CARF: variants seen among roughly 807,000 people sequenced by gnomAD.
CARF encodes calcium responsive transcription factor.
CARF carries 57 observed loss-of-function variants against 82.0 expected under a neutral mutation model. That is an observed-to-expected ratio of 0.70 (90% CI 0.56 to 0.87). The LOEUF (loss-of-function observed/expected upper bound fraction) is 0.87. Among genes scored for constraint, CARF ranks in the 40% least tolerant of loss-of-function variants. The pLI is 0.00. For synonymous variants in CARF, 268 were observed against 290.1 expected, an observed-to-expected ratio of 0.92 and a Z score of 0.77; for missense variants, 771 against 855.8, an observed-to-expected ratio of 0.90 and a Z score of 1.24.
chr2:202,958,188 A>G (rs541362910), intron 8 of CARF, among the ~76,000 whole-genome samples: 5 of 151,220 alleles, frequency 3.3e-5, no homozygotes, highest in Non-Finnish European at 7.4e-5. Flanking sequence ...TATATATTAC[A>G]TTTGTTAGGA....
rs115268453 is a variant in CARF, at chr2:202,952,574, C to T, written c.322C>T (p.Pro108Ser). 10,323 of 1,612,966 alleles carry T rather than the reference C, an allele frequency of 6.4e-3. 38 individuals are homozygous for T. The highest frequency in any genetic ancestry group is 8.1e-3 in the Non-Finnish European group (9,579 of 1,179,632). Residue 108 changes from proline (P) to serine (S), a missense_variant, in exon 6 of 17, where the codon CCA (proline) becomes TCA (serine). Physicochemically the swap from Pro to Ser is moderately conservative, Grantham distance 74. Transcript: ENST00000438828. Reference protein sequence around the residue: ...SNAQMMIVASPTENGQVLRVI... With the variant: ...SNAQMMIVASSTENGQVLRVI... Reference sequence around the variant, plus strand: ...TGCTTCCAAGATGATCGTTGCCAGCCCAACAGAAAATGGACAGGTACTTCG... The same window carrying T: ...TGCTTCCAAGATGATCGTTGCCAGCTCAACAGAAAATGGACAGGTACTTCG...
At chr2:202,961,525 C>T in intron 9 of CARF, 99 bp downstream of exon 9, 2 of 1,034,334 alleles carry the variant, frequency 1.9e-6, no homozygotes, top group Non-Finnish European at 2.9e-6. Context: ...ATTTTGGTAG[C>T]TGACAATTGA....
intron 8 of CARF, among the ~76,000 whole-genome samples, chr2:202,957,554 C>T (rs1364423086): frequency 6.6e-6 from 1 of 152,146 alleles, no homozygotes; most frequent in African/African-American, 2.4e-5. Flanking sequence ...TTCTTCAAAT[C>T]CCAATGCAAG....
At chr2:202,958,640 G>T (rs983736117) in intron 8 of CARF, among the ~76,000 whole-genome samples, 3 of 151,908 alleles carry the variant, frequency 2.0e-5, no homozygotes, top group Admixed American at 6.6e-5. Context: ...GGCTGGGTGC[G>T]GTGGCTCACG....
At chr2:202,961,075 C>A (rs988511997) in intron 8 of CARF, among the ~76,000 whole-genome samples, 162 bp from the exon 9 acceptor site, 3 of 152,200 alleles carry the variant, frequency 2.0e-5, no homozygotes, top group African/African-American at 7.2e-5. Flanking sequence ...TGGTTGAACT[C>A]AAATCAGACC....
At chr2:202,913,781 A>C (rs1368715225) in intron 1 of CARF, among the ~76,000 whole-genome samples, 4 of 152,244 alleles carry the variant, frequency 2.6e-5, no homozygotes, top group Non-Finnish European at 5.9e-5. Flanking sequence ...CCAGCAGGTT[A>C]ATACATTTTT....
chr2:202,966,837 A>G, intron 9 of CARF, 141 bp from the exon 10 acceptor site: 1 of 690,632 alleles, frequency 1.4e-6, no homozygotes, highest in Non-Finnish European at 2.4e-6. Flanking sequence ...TGTATATGTA[A>G]GTAAGACTTA....
At chr2:202,966,898 C>A in intron 9 of CARF, 80 bp from the exon 10 acceptor site, 2 of 1,375,926 alleles carry the variant, frequency 1.5e-6, no homozygotes, top group South Asian at 1.5e-5. Context: ...TTGACATTGC[C>A]ACCACCAAGT....
intron 9 of CARF, among the ~76,000 whole-genome samples, chr2:202,963,337 C>G (rs1416246109): frequency 3.3e-5 from 5 of 150,078 alleles, no homozygotes; most frequent in South Asian, 2.1e-4. Flanking sequence ...AAAAAAATTG[C>G]TCTCAAAAGT....
chr2:202,943,079 ATTT>A, intron 5 of CARF, 112 bp downstream of exon 5: 1 of 859,070 alleles, frequency 1.2e-6, no homozygotes, highest in Non-Finnish European at 1.8e-6. Flanking sequence ...TTATTTATTT[ATTT>A]ATTTTTGAGA....
At chr2:202,923,825 C>A (rs577799479) in intron 2 of CARF, among the ~76,000 whole-genome samples, 2 of 152,274 alleles carry the variant, frequency 1.3e-5, no homozygotes, top group South Asian at 4.1e-4. Context: ...AACCCACATA[C>A]GTAACAGCCA....
chr2:202,914,988 TTGG>T (rs1028624863), intron 1 of CARF, among the ~76,000 whole-genome samples: 16 of 151,858 alleles, frequency 1.1e-4, no homozygotes, highest in African/African-American at 3.9e-4. Flanking sequence ...GGAGGGTTTT[TTGG>T]TGGTGGTGGT....
intron 2 of CARF, among the ~76,000 whole-genome samples, chr2:202,922,431 A>T (rs889034208): frequency 2.0e-5 from 3 of 152,136 alleles, no homozygotes; most frequent in Non-Finnish European, 4.4e-5. Flanking sequence ...CAAGAAAAGG[A>T]TACCCACTCT....
At chr2:202,970,352 A>G (rs926504499) in intron 11 of CARF, among the ~76,000 whole-genome samples, 2 of 152,166 alleles carry the variant, frequency 1.3e-5, no homozygotes, top group African/African-American at 4.8e-5. Flanking sequence ...TGACAAAGAC[A>G]TACTTAATAC....
rs778785750 is a variant in CARF, at chr2:202,942,779, C to T, written c.118C>T (p.Gln40Ter). 1.2e-6 allele frequency: 2 copies of T among 1,613,718 alleles called. No homozygotes were observed. The highest frequency in any genetic ancestry group is 2.2e-5 in the South Asian group (2 of 91,062). The change falls in exon 5 of 17, where the codon CAA (glutamine) becomes TAA (stop). Residue 40 changes from glutamine (Q) to a stop codon, truncating the protein, a stop_gained. Coordinates refer to ENST00000438828, the MANE Select transcript of CARF (RefSeq NM_024744.17). LOFTEE classifies it high-confidence loss of function. ...CMDSRDSSFGQNDSPTVLPIT... is the reference protein window; with the variant it reads ...CMDSRDSSFG ...GGACTCCAGGGATTCTTCCTTTGGA[C>T]AAAATGATTCTCCTACAGTTTTGCC...
At chr2:202,968,276 C>T (rs1029236936) in intron 10 of CARF, among the ~76,000 whole-genome samples, 1 of 152,066 alleles carries the variant, frequency 6.6e-6, no homozygotes, top group African/African-American at 2.4e-5. Flanking sequence ...GTGGCGGGCC[C>T]CTGTAATCCC....
In CARF at chr2:202,983,815, C is replaced by T. The variant is rs2060357653; in HGVS notation, c.*191C>T. On this transcript the variant is annotated 3_prime_UTR_variant, in exon 17 of 17. Transcript: ENST00000438828. ...CTTCCTTAAGAGATGTTTTACTCTT[C>T]TTATTTTGTATAATTTTTATGCTCT... 2.0e-6 allele frequency: 1 copy of T among 508,600 alleles called. No homozygotes were observed. Among genetic ancestry groups the T allele is most frequent in the Non-Finnish European group, 3.4e-6 (1 of 294,058 alleles). 31.5% of individuals were successfully genotyped at this position (508,600 alleles called of 1,614,324 possible).
intron 14 of CARF, among the ~76,000 whole-genome samples, chr2:202,978,086 T>G (rs1284054878): frequency 1.3e-5 from 2 of 152,174 alleles, no homozygotes; most frequent in East Asian, 3.9e-4. Flanking sequence ...CCTCAGGTGA[T>G]CCACCCACCT....
At chr2:202,921,280 C>T (rs758153963) in intron 2 of CARF, among the ~76,000 whole-genome samples, 13 of 152,184 alleles carry the variant, frequency 8.5e-5, no homozygotes, top group Non-Finnish European at 1.5e-4. Flanking sequence ...GCTGGGATTA[C>T]AGGTGTGAGC....
Sources: gnomAD v4.1 joint callset for allele counts (sites outside exome capture counted in the v4.1 genomes callset) on GRCh38, gnomAD v4.1.1 for gene constraint, MANE v1.5 for transcripts, NCBI Gene and HGNC (gene_info 2026-07-23, HGNC 2026-07-21) for gene names.